The following PLA2G2E variants were observed in gnomAD, a reference collection of about 807,000 sequenced individuals.
PLA2G2E encodes the protein group IIE secretory phospholipase A2.
In PLA2G2E, 14 loss-of-function variants were observed where a neutral mutation model predicts 16.5. The observed-to-expected ratio is 0.85, with a 90% CI of 0.56 to 1.33. The LOEUF (loss-of-function observed/expected upper bound fraction) is 1.33. Among genes scored for constraint, PLA2G2E ranks in the 40% most tolerant of loss-of-function variants. The probability of loss-of-function intolerance (pLI) is 0.00; values close to 1 mark genes in which losing one functional copy is unlikely to be tolerated. For synonymous variants in PLA2G2E, 72 were observed against 77.2 expected (o/e 0.93, Z 0.36); for missense variants, 174 against 190.7 (o/e 0.91, Z 0.52).
chr1:19,920,359 T>C lies in PLA2G2E; in HGVS notation c.377A>G (p.Lys126Arg), dbSNP rs78889206. Reference protein sequence around the residue: ...FRRNLGTYNRKYAHYPNKLCT... With the variant: ...FRRNLGTYNRRYAHYPNKLCT... ...CAGCTTGTTGGGATAATGGGCATAT[T>C]TGCGGTTGTAGGTGCCCAGGTTGCG... is the stretch of plus-strand genomic sequence containing the variant. The change falls in exon 4 of 4, where the codon AAA becomes AGA. Residue 126 changes from lysine (K) to arginine (R), a missense_variant. Lys to Arg is a conservative substitution (Grantham distance 26). Coordinates refer to ENST00000375116, the MANE Select transcript of PLA2G2E (RefSeq NM_014589.3). The surrounding 1 kb of genome is among the most constrained non-coding windows in gnomAD (Gnocchi z 4.3). 8.2e-5 allele frequency: 133 copies of C among 1,613,706 alleles called. No individual in the cohort carries two copies. The African/African-American group carries it at 1.6e-3, about 20-fold the overall frequency.
chr1:19,922,720 C>T lies in PLA2G2E; in HGVS notation c.76G>A (p.Val26Met), dbSNP rs979575885. ...LVTGNLVQFG[V>M]MIEKMTGKSA... is the part of the protein sequence containing the mutation. ...TTGCCTGTCATCTTCTCGATCATCA[C>T]CCCAAACTGAACCAGGTTCCCGGTG... is the stretch of plus-strand genomic sequence containing the variant. Residue 26 changes from valine to methionine, a missense_variant, in exon 2 of 4, where the codon GTG becomes ATG. Val to Met is a conservative substitution (Grantham distance 21). Coordinates refer to ENST00000375116, the MANE Select transcript of PLA2G2E (RefSeq NM_014589.3). The T allele has an allele frequency of 1.2e-6, 2 of 1,613,896 alleles. No individual in the cohort carries two copies. The highest frequency in any genetic ancestry group is 1.7e-6 in the Non-Finnish European group (2 of 1,179,988).
chr1:19,920,532 C>A lies in PLA2G2E; in HGVS notation c.287-83G>T. The A allele has an allele frequency of 7.1e-7, 1 of 1,417,962 alleles. No homozygotes were observed. The highest frequency in any genetic ancestry group is 1.3e-5 in the South Asian group (1 of 78,334). 87.8% of individuals were successfully genotyped at this position (1,417,962 alleles called of 1,614,324 possible). A position where few individuals can be genotyped will look rare whatever the true frequency, so the allele number is the denominator to read the frequency against. ...TCTTGGCTGCTTCTGGGTCCACGTT[C>A]TTGACCTGGACCAACTCCATTCTGA... On this transcript the variant is annotated intron_variant, in intron 3 of 3. Coordinates refer to ENST00000375116, the MANE Select transcript of PLA2G2E (RefSeq NM_014589.3). This position sits in a 1 kb window ranked among gnomAD's most constrained non-coding sequence, Gnocchi z 4.3.
chr1:19,920,599 CAA>C lies in PLA2G2E; in HGVS notation c.287-152_287-151del. The C allele has an allele frequency of 1.4e-6, 1 of 738,296 alleles. No homozygotes were observed. Among genetic ancestry groups the C allele is most frequent in the East Asian group, 2.7e-5 (1 of 37,030 alleles). 45.7% of individuals were successfully genotyped at this position (738,296 alleles called of 1,614,324 possible). Reference sequence around the variant, plus strand: ...CGGGTTGTTTCACGGATGGGTGAGACAAGAGACAAGGGCGGGGCGCACTGTGG... The same window carrying C: ...CGGGTTGTTTCACGGATGGGTGAGACGAGACAAGGGCGGGGCGCACTGTGG... On this transcript the variant is annotated intron_variant, in intron 3 of 3. Coordinates refer to ENST00000375116, the MANE Select transcript of PLA2G2E (RefSeq NM_014589.3). This position sits in a 1 kb window ranked among gnomAD's most constrained non-coding sequence, Gnocchi z 4.3.
intron 3 of PLA2G2E, among the ~76,000 whole-genome samples, chr1:19,921,606 G>C (rs2045816589): frequency 1.3e-5 from 2 of 152,206 alleles, no homozygotes; most frequent in South Asian, 4.1e-4. Flanking sequence ...CCGCCGCCAG[G>C]ACAGAATTTA....
rs2045826405 is a variant in PLA2G2E at position 19,922,767 on chromosome 1, G to C, written c.41-12C>G. On this transcript the variant is annotated splice_polypyrimidine_tract_variant and intron_variant, in intron 1 of 3. Transcript: ENST00000375116. ...GGTGACCAGAGCCACTGCAGAGAGG[G>C]AGAGGGAGAGGGAGAGGGAGGGCCC... The C allele has an allele frequency of 6.2e-7, 1 of 1,612,016 alleles. No individual in the cohort carries two copies. The highest frequency in any genetic ancestry group is 1.3e-5 in the African/African-American group (1 of 74,724).
Position 19,922,746 on chromosome 1 carries a change from A to C in PLA2G2E, c.50T>G (p.Val17Gly). The C allele has an allele frequency of 6.2e-7, 1 of 1,612,896 alleles. No homozygotes were observed. The highest frequency in any genetic ancestry group is 1.1e-5 in the South Asian group (1 of 91,036). The change falls in exon 2 of 4, where the codon GTC becomes GGC. Residue 17 changes from valine to glycine, a missense_variant. Physicochemically the swap from Val to Gly is moderately radical, Grantham distance 109 (BLOSUM62 -3). Coordinates refer to ENST00000375116, the MANE Select transcript of PLA2G2E (RefSeq NM_014589.3). Reference protein sequence around the residue: ...LVFLCLLVALVTGNLVQFGVM... With the variant: ...LVFLCLLVALGTGNLVQFGVM... ...CCCAAACTGAACCAGGTTCCCGGTG[A>C]CCAGAGCCACTGCAGAGAGGGAGAG...
At chr1:19,922,545 C>A in intron 2 of PLA2G2E, 72 bp downstream of exon 2, 1 of 1,585,310 alleles carries the variant, frequency 6.3e-7, no homozygotes, top group Non-Finnish European at 8.6e-7. Context: ...TTCCCTCCTT[C>A]TCCCAGGATC....
At chr1:19,922,531 AG>A in intron 2 of PLA2G2E, 85 bp downstream of exon 2, 1 of 1,571,934 alleles carries the variant, frequency 6.4e-7, no homozygotes, top group Non-Finnish European at 8.7e-7. Flanking sequence ...AGGTGCCCCC[AG>A]GCTTCCCTCC....
rs193024312 is a variant in PLA2G2E at position 19,922,861 on chromosome 1, G to A, written c.41-106C>T. The stretch of plus-strand genomic sequence containing the variant: ...TCACAGGCATCTCTCCAGTTGTCCA[G>A]TTAAGCTCACCTCCCCAAAGCAACC... On this transcript the variant is annotated intron_variant, in intron 1 of 3. Coordinates refer to ENST00000375116, the MANE Select transcript of PLA2G2E (RefSeq NM_014589.3). The A allele has an allele frequency of 3.9e-3, 5,294 of 1,369,260 alleles. 18 individuals carry two copies. Among genetic ancestry groups the A allele is most frequent in the Non-Finnish European group, 4.3e-3 (4,289 of 1,004,346 alleles). 84.8% of individuals were successfully genotyped at this position (1,369,260 alleles called of 1,614,324 possible). A position where few individuals can be genotyped will look rare whatever the true frequency, so the allele number is the denominator to read the frequency against.
chr1:19,922,491 G>C, intron 2 of PLA2G2E, 87 bp from the exon 3 acceptor site: 4 of 1,542,692 alleles, frequency 2.6e-6, no homozygotes, highest in Non-Finnish European at 3.5e-6. Flanking sequence ...GCCCAAAGCA[G>C]CCCAGAGGAG....
intron 1 of PLA2G2E, 149 bp from the exon 2 acceptor site, chr1:19,922,904 G>A (rs907080303): frequency 4.4e-5 from 35 of 798,992 alleles, no homozygotes; most frequent in East Asian, 8.0e-5. Context: ...AACAACAACC[G>A]TGGTAATAAG....
At chr1:19,922,786 A>G (rs768926258) in intron 1 of PLA2G2E, 31 bp from the exon 2 acceptor site, 2 of 1,611,318 alleles carry the variant, frequency 1.2e-6, no homozygotes, top group South Asian at 2.2e-5. Context: ...AGGGAGAGGG[A>G]GGGCCCCACC....
rs1023719746 is a variant in PLA2G2E at position 19,920,607 on chromosome 1, A to G, written c.287-158T>C. The stretch of plus-strand genomic sequence containing the variant: ...TTCACGGATGGGTGAGACAAGAGAC[A>G]AGGGCGGGGCGCACTGTGGCTCAGG... On this transcript the variant is annotated intron_variant, in intron 3 of 3. Coordinates refer to ENST00000375116, the MANE Select transcript of PLA2G2E (RefSeq NM_014589.3). The surrounding 1 kb of genome is among the most constrained non-coding windows in gnomAD (Gnocchi z 4.3). 6.6e-6 allele frequency among the ~76,000 whole-genome samples: 1 copy of G among 152,108 alleles called. No homozygotes were observed. Among genetic ancestry groups the G allele is most frequent in the Non-Finnish European group, 1.5e-5 (1 of 67,988 alleles).
At position 19,923,554 on chromosome 1, in the gene PLA2G2E, T is replaced by C; in HGVS notation, c.6A>G (p.Lys2=). M[K]SPHVLVFLCL... is the part of the protein sequence containing the mutation. ...AAAGGAACACCAGCACGTGGGGAGA[T>C]TTCATCCCAGGTTGGGGGGAAGGGA... is the stretch of plus-strand genomic sequence containing the variant. The change falls in exon 1 of 4, where the codon AAA becomes AAG. Residue 2 remains lysine (K), a synonymous_variant. Coordinates refer to ENST00000375116, the MANE Select transcript of PLA2G2E (RefSeq NM_014589.3). 1.3e-6 allele frequency: 2 copies of C among 1,550,028 alleles called. No homozygotes were observed. Among genetic ancestry groups the C allele is most frequent in the Non-Finnish European group, 1.7e-6 (2 of 1,146,364 alleles).
intron 3 of PLA2G2E, among the ~76,000 whole-genome samples, chr1:19,921,142 A>C (rs140249704): frequency 1.5e-3 from 224 of 152,242 alleles, no homozygotes; most frequent in Admixed American, 3.5e-3. Flanking sequence ...TTTTGTCCCC[A>C]TGACTGTATC....
At chr1:19,923,306 C>T (rs1463942855) in intron 1 of PLA2G2E, among the ~76,000 whole-genome samples, 3 of 152,234 alleles carry the variant, frequency 2.0e-5, no homozygotes, top group African/African-American at 7.2e-5. Context: ...TGGCCCATGC[C>T]CCTCACCCCT....
intron 1 of PLA2G2E, 78 bp from the exon 2 acceptor site, chr1:19,922,833 T>G (rs2045827363): frequency 6.5e-7 from 1 of 1,535,616 alleles, no homozygotes; most frequent in Non-Finnish European, 8.9e-7. Context: ...CCCTCAAATC[T>G]GATCACAGGC....
chr1:19,921,581 G>A (rs2045815901), intron 3 of PLA2G2E, among the ~76,000 whole-genome samples: 1 of 152,208 alleles, frequency 6.6e-6, no homozygotes, highest in South Asian at 2.1e-4. Context: ...CAGAGGAAAT[G>A]GAGCCAGCTC....
In PLA2G2E at chr1:19,920,296, C is replaced by T. The variant is rs763550688; in HGVS notation, c.*11G>A. The T allele has an allele frequency of 1.7e-5, 28 of 1,608,064 alleles. No individual in the cohort carries two copies. In the Admixed American group the frequency reaches 2.3e-4, roughly 13 times the overall value. On this transcript the variant is annotated 3_prime_UTR_variant, in exon 4 of 4. Coordinates refer to ENST00000375116, the MANE Select transcript of PLA2G2E (RefSeq NM_014589.3). This position sits in a 1 kb window ranked among gnomAD's most constrained non-coding sequence, Gnocchi z 4.3. Reference sequence around the variant, plus strand: ...GGACCTCCAGGGACGGGGGGGAGGCCGAGCATAGCCTCAGCAGGGCGGGGT... The same window carrying T: ...GGACCTCCAGGGACGGGGGGGAGGCTGAGCATAGCCTCAGCAGGGCGGGGT...
Sources: allele counts gnomAD v4.1 joint callset (sites outside exome capture counted in the v4.1 genomes callset), GRCh38; gene constraint gnomAD v4.1.1; non-coding constraint Gnocchi (gnomAD v3.1); transcripts MANE v1.5; gene names NCBI Gene and HGNC (gene_info 2026-07-23, HGNC 2026-07-21).